L3HYPDH: variants seen among roughly 807,000 people sequenced by gnomAD.
L3HYPDH encodes trans-3-hydroxy-L-proline dehydratase.
Under a neutral mutation model 26.5 loss-of-function variants are expected in L3HYPDH, and 32 were observed. The observed-to-expected ratio is 1.21, with a 90% CI of 0.91 to 1.62. L3HYPDH has a LOEUF of 1.62. Among genes scored for constraint, L3HYPDH ranks in the 40% most tolerant of loss-of-function variants. The probability of loss-of-function intolerance (pLI) is 0.00; values close to 1 mark genes in which losing one functional copy is unlikely to be tolerated. For missense variants in L3HYPDH, 554 were observed against 476.4 expected, an observed-to-expected ratio of 1.16 and a Z score of -1.52; for synonymous variants, 215 against 196.6, an observed-to-expected ratio of 1.09 and a Z score of -0.78.
the L3HYPDH span, among the ~76,000 whole-genome samples, chr14:59,503,613 A>G: frequency 1.3e-5 from 2 of 152,176 alleles, no homozygotes; most frequent in African/African-American, 4.8e-5. Flanking sequence ...AAGAGACATG[A>G]TGACGTAGCT....
chr14:59,487,628 T>C, upstream of L3HYPDH: 1 of 1,469,324 alleles, frequency 6.8e-7, no homozygotes. Context: ...GTGTTAATGT[T>C]GTAAAATAAT....
the L3HYPDH span, among the ~76,000 whole-genome samples, chr14:59,494,609 G>T: frequency 6.6e-6 from 1 of 152,194 alleles, no homozygotes; most frequent in Non-Finnish European, 1.5e-5. Flanking sequence ...AGGTATGGAT[G>T]GGGAGGAACA....
chr14:59,483,788 T>C (rs1890245488), intron 1 of L3HYPDH, 21 bp downstream of exon 1: 1 of 1,588,550 alleles, frequency 6.3e-7, no homozygotes. Flanking sequence ...TGCCCTGGGC[T>C]GGAAAGGTCC....
At chr14:59,469,762 G>A (rs947541388), downstream of L3HYPDH, among the ~76,000 whole-genome samples, 5 of 151,994 alleles carry the variant, frequency 3.3e-5, no homozygotes, top group South Asian at 2.1e-4. Context: ...ATGGGAAGAG[G>A]GCCACAGTCT....
intron 1 of L3HYPDH, among the ~76,000 whole-genome samples, chr14:59,467,252 A>G (rs1351421638): frequency 2.0e-5 from 3 of 152,348 alleles, no homozygotes; most frequent in Admixed American, 6.5e-5. Flanking sequence ...ATGAATGTGC[A>G]AAGTCTGGAG....
At chr14:59,468,487 C>A (rs949561135), downstream of L3HYPDH, among the ~76,000 whole-genome samples, 1 of 152,184 alleles carries the variant, frequency 6.6e-6, no homozygotes, top group Non-Finnish European at 1.5e-5. Context: ...CCCATCTTCG[C>A]GTTAAGGTTA....
chr14:59,502,330 C>G, the L3HYPDH span, among the ~76,000 whole-genome samples: 39 of 152,272 alleles, frequency 2.6e-4, no homozygotes, highest in African/African-American at 9.4e-4. Flanking sequence ...CCTATACTTG[C>G]TAATCTAGGG....
chr14:59,475,892 C>A lies in L3HYPDH; in HGVS notation c.916G>T (p.Val306Leu), dbSNP rs778396837. The A allele has an allele frequency of 5.6e-6, 9 of 1,613,152 alleles. No individual in the cohort carries two copies. The highest frequency in any genetic ancestry group is 7.6e-6 in the Non-Finnish European group (9 of 1,179,814). The change falls in exon 4 of 5, where the codon GTA (valine) becomes TTA (leucine). Residue 306 changes from valine to leucine, a missense_variant. Physicochemically the swap from Val to Leu is conservative, Grantham distance 32 (BLOSUM62 1). Transcript: ENST00000247194. ...ACCCTCACAGCTTTCCCTGTGAATACTGAGCCAGTTGCACTGCTTTTGAAG... is the reference window on the plus strand; with the variant it reads ...ACCCTCACAGCTTTCCCTGTGAATAATGAGCCAGTTGCACTGCTTTTGAAG... ...RAFKSSATGSVFTGKAVREAK... is the reference protein window; with the variant it reads ...RAFKSSATGSLFTGKAVREAK...
At chr14:59,485,019 C>T, upstream of L3HYPDH, 1 of 1,597,392 alleles carries the variant, frequency 6.3e-7, no homozygotes, top group Non-Finnish European at 8.5e-7. Context: ...AAGGGCAGGA[C>T]CGCTGCAAAA....
the L3HYPDH span, among the ~76,000 whole-genome samples, chr14:59,497,043 G>A: frequency 0.54 from 80,692 of 148,828 alleles, 24,047 homozygotes; most frequent in African/African-American, 0.8. Context: ...ATAGCACACA[G>A]TTACCAGAAA....
the L3HYPDH span, chr14:59,501,317 A>C: frequency 2.6e-6 from 3 of 1,174,920 alleles, no homozygotes; most frequent in African/African-American, 4.6e-5. Context: ...AAATTTGACA[A>C]TTCAATATCA....
Position 59,474,642 on chromosome 14 carries a change from T to C in L3HYPDH, c.939+1227A>G, listed in dbSNP as rs183040634. 3.4e-3 allele frequency: 1,998 copies of C among 590,812 alleles called. 7 individuals are homozygous for C. The highest frequency in any genetic ancestry group is 5.1e-3 in the Non-Finnish European group (1,703 of 334,802). The allele number at this position is 590,812 out of a possible 1,614,324, so 36.6% of individuals were successfully genotyped here. Reference sequence around the variant, plus strand: ...TTCATGACCTGGATCTGCTACTCACTAACTAACCTCTGGTAAATTACCTAA... The same window carrying C: ...TTCATGACCTGGATCTGCTACTCACCAACTAACCTCTGGTAAATTACCTAA... On this transcript the variant is annotated intron_variant, in intron 4 of 4. Transcript: ENST00000247194.
At chr14:59,495,250 C>A in the L3HYPDH span, 1 of 1,457,036 alleles carries the variant, frequency 6.9e-7, no homozygotes, top group Non-Finnish European at 9.4e-7. Context: ...GACTTAAGAT[C>A]ATTGTTTTTT....
chr14:59,481,407 C>T (rs1890010235), intron 1 of L3HYPDH, among the ~76,000 whole-genome samples: 1 of 152,180 alleles, frequency 6.6e-6, no homozygotes, highest in Admixed American at 6.5e-5. Context: ...ACATTATTCC[C>T]TGGTTTACCC....
the L3HYPDH span, among the ~76,000 whole-genome samples, chr14:59,493,203 CAG>C: frequency 6.6e-6 from 1 of 152,112 alleles, no homozygotes; most frequent in Non-Finnish European, 1.5e-5. Context: ...GCAGAATAAA[CAG>C]AAATTCACAC....
Position 59,472,885 on chromosome 14 carries a change from G to T in L3HYPDH, c.*80C>A. 2 of 1,263,520 alleles carry T rather than the reference G, an allele frequency of 1.6e-6. No individual in the cohort carries two copies. Among genetic ancestry groups the T allele is most frequent in the Non-Finnish European group, 2.2e-6 (2 of 929,434 alleles). The allele number at this position is 1,263,520 out of a possible 1,614,324, so 78.3% of individuals were successfully genotyped here. On this transcript the variant is annotated 3_prime_UTR_variant, in exon 5 of 5. Coordinates refer to ENST00000247194, the MANE Select transcript of L3HYPDH (RefSeq NM_144581.2). ...GTTAGTTTATATGTATAATTTATTT[G>T]TTTTCATATAATTTAGAGAAAACAG...
At chr14:59,486,046 T>C (rs995632348), upstream of L3HYPDH, 1 of 152,216 alleles carries the variant, frequency 6.6e-6, no homozygotes, top group African/African-American at 2.4e-5. Context: ...TTTTTTTAAG[T>C]AAGGAATAGC....
At chr14:59,481,073 T>C (rs1469750488) in intron 1 of L3HYPDH, among the ~76,000 whole-genome samples, 1 of 152,188 alleles carries the variant, frequency 6.6e-6, no homozygotes, top group African/African-American at 2.4e-5. Context: ...TACAATCATT[T>C]CCCTGGCCCA....
At chr14:59,479,416 A>G in intron 1 of L3HYPDH, 65 bp from the exon 2 acceptor site, 1 of 1,403,654 alleles carries the variant, frequency 7.1e-7, no homozygotes, top group Non-Finnish European at 9.8e-7. Flanking sequence ...AATAAAATTC[A>G]AAGGATTTTT....
Sources: gnomAD v4.1 joint callset for allele counts (sites outside exome capture counted in the v4.1 genomes callset) on GRCh38, gnomAD v4.1.1 for gene constraint, MANE v1.5 for transcripts, NCBI Gene and HGNC (gene_info 2026-07-23, HGNC 2026-07-21) for gene names.